The following RUNX1 variants were observed in gnomAD, a reference collection of about 807,000 sequenced individuals.
The protein encoded by RUNX1 is RUNX family transcription factor 1, also known as runt-related transcription factor 1.
In RUNX1, 19 loss-of-function variants were observed where a neutral mutation model predicts 42.8. The ratio of observed to expected loss-of-function variants is 0.44; its 90% CI spans 0.31 to 0.65. The LOEUF (loss-of-function observed/expected upper bound fraction) is 0.65, where lower values mean the gene tolerates loss of function less well. Ranked by LOEUF, RUNX1 falls within the 30% of genes least tolerant of loss-of-function variation. The probability of loss-of-function intolerance (pLI) is 0.07; values close to 1 mark genes in which losing one functional copy is unlikely to be tolerated. For missense variants in RUNX1, 528 were observed against 672.0 expected, an observed-to-expected ratio of 0.79 and a Z score of 2.37; for synonymous variants, 271 against 289.4, an observed-to-expected ratio of 0.94 and a Z score of 0.64.
intron 7 of RUNX1, chr21:34,821,604 G>A: frequency 1.3e-6 from 2 of 1,552,158 alleles, no homozygotes; most frequent in South Asian, 2.4e-5. Context: ...TTCTGAGGAT[G>A]AGATGGAAAA....
intron 2 of RUNX1, among the ~76,000 whole-genome samples, chr21:35,043,382 G>C (rs1054530502): frequency 6.6e-6 from 1 of 152,152 alleles, no homozygotes; most frequent in Non-Finnish European, 1.5e-5. Flanking sequence ...AAAGTGCTTT[G>C]AACATTTTAA....
intron 2 of RUNX1, among the ~76,000 whole-genome samples, chr21:35,041,671 T>A (rs895843533): frequency 2.0e-5 from 3 of 151,054 alleles, no homozygotes; most frequent in African/African-American, 7.3e-5. Flanking sequence ...TTTTTTTTTT[T>A]TTTTTTAACG....
At chr21:34,829,812 G>C (rs1243005153) in intron 7 of RUNX1, 1 of 152,208 alleles carries the variant, frequency 6.6e-6, no homozygotes, top group African/African-American at 2.4e-5. Flanking sequence ...AGGAGAGGGA[G>C]AGAGAAAGGA....
At chr21:34,961,162 T>A (rs1337398559) in intron 2 of RUNX1, among the ~76,000 whole-genome samples, 2 of 151,956 alleles carry the variant, frequency 1.3e-5, no homozygotes, top group Non-Finnish European at 2.9e-5. Flanking sequence ...GATCATGAGG[T>A]CAGGAAATCG....
intron 3 of RUNX1, among the ~76,000 whole-genome samples, chr21:34,891,708 A>T (rs2298322): frequency 0.35 from 29,058 of 83,574 alleles, 3,417 homozygotes; most frequent in African/African-American, 0.57. Flanking sequence ...ATGCAAAATT[A>T]AAAAAAAAAA....
intron 2 of RUNX1, among the ~76,000 whole-genome samples, chr21:34,923,891 C>CATTTCA (rs2058372961): frequency 8.8e-6 from 1 of 113,190 alleles, no homozygotes; most frequent in Non-Finnish European, 1.8e-5. Flanking sequence ...ATGTCTCTCG[C>CATTTCA]GTTAAAATCT....
intron 6 of RUNX1, among the ~76,000 whole-genome samples, chr21:34,854,732 G>A (rs2057472834): frequency 6.6e-6 from 1 of 152,034 alleles, no homozygotes; most frequent in Non-Finnish European, 1.5e-5. Flanking sequence ...AAGACTCTAC[G>A]TTAACAGCCT....
intron 7 of RUNX1, among the ~76,000 whole-genome samples, chr21:34,820,640 G>A (rs1301619364): frequency 2.7e-5 from 4 of 148,724 alleles, no homozygotes; most frequent in Admixed American, 1.3e-4. Flanking sequence ...GTGAAACACC[G>A]TCTCAAAAAA....
chr21:34,798,515 C>A (rs2056562799), intron 8 of RUNX1, among the ~76,000 whole-genome samples: 1 of 152,080 alleles, frequency 6.6e-6, no homozygotes. Flanking sequence ...ATGAACAGCG[C>A]TTAGTTGGAA....
intron 4 of RUNX1, among the ~76,000 whole-genome samples, chr21:34,885,484 A>G (rs979937254): frequency 1.3e-5 from 2 of 152,246 alleles, no homozygotes; most frequent in Non-Finnish European, 2.9e-5. Context: ...CCCCCACTAA[A>G]AAACAAAACA....
intron 2 of RUNX1, among the ~76,000 whole-genome samples, chr21:35,033,122 C>CTCAT (rs55861161): frequency 0.35 from 53,231 of 151,490 alleles, 9,666 homozygotes; most frequent in African/African-American, 0.39. Context: ...CATCTGCTGG[C>CTCAT]TCATTCATTC....
intron 6 of RUNX1, among the ~76,000 whole-genome samples, chr21:34,845,677 G>A (rs1406805439): frequency 6.6e-6 from 1 of 152,102 alleles, no homozygotes; most frequent in Non-Finnish European, 1.5e-5. Flanking sequence ...TTCCCAGCCG[G>A]AGGGGGACCC....
At position 34,967,382 on chromosome 21, in the gene RUNX1, G is replaced by A. The variant is rs115953770; in HGVS notation, c.59-74419C>T. The stretch of plus-strand genomic sequence containing the variant: ...AATAGCGTTTTCCCATTGAGCTTTC[G>A]TCTGGACTGATGGAATCATGGATGG... On this transcript the variant is annotated intron_variant, in intron 2 of 8. Transcript: ENST00000675419. 5.3e-3 allele frequency among the ~76,000 whole-genome samples: 691 copies of A among 130,974 alleles called. 9 individuals are homozygous for A. The highest frequency in any genetic ancestry group is 0.018 in the African/African-American group (636 of 34,506). 85.9% of individuals were successfully genotyped at this position (130,974 alleles called of 152,430 possible).
chr21:34,892,638 T>G (rs774089697), intron 3 of RUNX1, among the ~76,000 whole-genome samples: 7 of 152,206 alleles, frequency 4.6e-5, no homozygotes, highest in Non-Finnish European at 1.0e-4. Flanking sequence ...AGCTCTGTTT[T>G]GTTTTTAGAG....
At chr21:34,992,691 A>G (rs1366455579) in intron 2 of RUNX1, among the ~76,000 whole-genome samples, 3 of 149,980 alleles carry the variant, frequency 2.0e-5, no homozygotes, top group African/African-American at 7.5e-5. Flanking sequence ...AAAAAAAAGA[A>G]AAAAAAAAAC....
chr21:34,876,820 G>A (rs1412051744), intron 5 of RUNX1, among the ~76,000 whole-genome samples: 1 of 152,054 alleles, frequency 6.6e-6, no homozygotes, highest in East Asian at 1.9e-4. Context: ...CTCCAACTGG[G>A]ATGAAGCAGT....
intron 2 of RUNX1, among the ~76,000 whole-genome samples, chr21:35,008,224 T>C (rs745400095): frequency 1.8e-4 from 28 of 152,238 alleles, no homozygotes; most frequent in Admixed American, 4.6e-4. Flanking sequence ...CTACAACCAA[T>C]GGCAATTTCA....
intron 2 of RUNX1, among the ~76,000 whole-genome samples, chr21:34,942,317 CA>C (rs61376903): frequency 0.049 from 6,671 of 135,232 alleles, 417 homozygotes; most frequent in African/African-American, 0.16. Flanking sequence ...TGCACTCAAG[CA>C]AAAAAAAAAA....
chr21:34,945,411 T>C (rs2058557027), intron 2 of RUNX1, among the ~76,000 whole-genome samples: 1 of 152,152 alleles, frequency 6.6e-6, no homozygotes, highest in Non-Finnish European at 1.5e-5. Context: ...TGAGAGTACA[T>C]TTTCCCCTAC....
Sources: gnomAD v4.1 joint callset for allele counts (sites outside exome capture counted in the v4.1 genomes callset) on GRCh38, gnomAD v4.1.1 for gene constraint, MANE v1.5 for transcripts, NCBI Gene and HGNC (gene_info 2026-07-23, HGNC 2026-07-21) for gene names.